Variants in CHCT1 observed in about 807,000 individuals in gnomAD.
CHCT1 encodes the protein CHD1 helical C-terminal domain containing protein 1.
the CHCT1 span, among the ~76,000 whole-genome samples, chr17:60,429,753 C>G: frequency 2.0e-3 from 304 of 152,044 alleles, 1 homozygote; most frequent in Non-Finnish European, 1.8e-3. Context: ...ACTTTCTCTT[C>G]TCTTTTTAGT....
At chr17:60,421,926 C>A in the CHCT1 span, 1 of 985,730 alleles carries the variant, frequency 1.0e-6, no homozygotes. Flanking sequence ...GGTACCTGCC[C>A]CAGGGAAGGC....
the CHCT1 span, chr17:60,426,670 G>A: frequency 6.3e-7 from 1 of 1,575,026 alleles, no homozygotes; most frequent in Non-Finnish European, 8.6e-7. Context: ...GCTGGAGGGA[G>A]GAAGCGCTGT....
At chr17:60,422,618 G>T in the CHCT1 span, 1 of 1,550,446 alleles carries the variant, frequency 6.4e-7, no homozygotes, top group Non-Finnish European at 8.7e-7. Flanking sequence ...GGGCAAGGGG[G>T]TGAAGGGGAC....
chr17:60,431,383 T>C, the CHCT1 span: 4 of 682,044 alleles, frequency 5.9e-6, no homozygotes, highest in Non-Finnish European at 5.0e-6. Flanking sequence ...TAATTAGGAA[T>C]AAATGAGGTG....
At chr17:60,428,505 G>A in the CHCT1 span, among the ~76,000 whole-genome samples, 10 of 127,714 alleles carry the variant, frequency 7.8e-5, no homozygotes, top group East Asian at 1.8e-3. Context: ...TTTTTTTTTC[G>A]AGACAGAGTT....
At chr17:60,421,479 C>A in the CHCT1 span, 2 of 985,370 alleles carry the variant, frequency 2.0e-6, no homozygotes, top group Non-Finnish European at 2.4e-6. Context: ...AGGCGAAGAA[C>A]AGGGCCACAC....
the CHCT1 span, among the ~76,000 whole-genome samples, chr17:60,428,485 AT>A: frequency 0.2 from 27,415 of 134,348 alleles, 5,831 homozygotes; most frequent in African/African-American, 0.56. Context: ...ATTGGCCTGA[AT>A]TTTTTTTTTT....
chr17:60,429,491 A>G, the CHCT1 span: 1 of 1,614,242 alleles, frequency 6.2e-7, no homozygotes, highest in East Asian at 2.2e-5. Flanking sequence ...GCTGTCCAAC[A>G]TGCAGACCCC....
the CHCT1 span, chr17:60,421,623 C>T: frequency 1.6e-5 from 16 of 974,350 alleles, no homozygotes; most frequent in Non-Finnish European, 1.8e-5. Flanking sequence ...CGCCGGGACC[C>T]CGCCGTGTGC....
chr17:60,429,649 G>C, the CHCT1 span: 1 of 1,317,924 alleles, frequency 7.6e-7, no homozygotes, highest in Non-Finnish European at 1.0e-6. Flanking sequence ...AAGCAGCCGG[G>C]AGCCTCTGCC....
chr17:60,422,456 G>T, the CHCT1 span: 9 of 1,517,966 alleles, frequency 5.9e-6, no homozygotes, highest in South Asian at 4.8e-5. Context: ...CTGTGTTGGC[G>T]GTTGCCGTGG....
At chr17:60,423,473 G>A in the CHCT1 span, among the ~76,000 whole-genome samples, 1 of 151,636 alleles carries the variant, frequency 6.6e-6, no homozygotes, top group Non-Finnish European at 1.5e-5. Flanking sequence ...GATTACAGGT[G>A]TGAGCCACTG....
At chr17:60,423,349 C>T in the CHCT1 span, among the ~76,000 whole-genome samples, 2 of 152,124 alleles carry the variant, frequency 1.3e-5, no homozygotes, top group African/African-American at 4.8e-5. Flanking sequence ...TGCATTACCA[C>T]ACCTGGCTAA....
chr17:60,429,672 A>G, the CHCT1 span: 1 of 966,896 alleles, frequency 1.0e-6, no homozygotes. Flanking sequence ...CAGCCTGACA[A>G]GCTCCTCTTC....
the CHCT1 span, chr17:60,426,469 A>G: frequency 1.2e-5 from 13 of 1,128,364 alleles, no homozygotes; most frequent in Non-Finnish European, 1.2e-5. Flanking sequence ...GGGGATGGAG[A>G]GAGCTCCTAG....
At chr17:60,429,188 A>C in the CHCT1 span, among the ~76,000 whole-genome samples, 1 of 152,224 alleles carries the variant, frequency 6.6e-6, no homozygotes, top group African/African-American at 2.4e-5. Flanking sequence ...GCTTGCCTCC[A>C]TGTCCCCACA....
chr17:60,428,505 G>C, the CHCT1 span, among the ~76,000 whole-genome samples: 1 of 127,688 alleles, frequency 7.8e-6, no homozygotes, highest in Admixed American at 8.1e-5. Flanking sequence ...TTTTTTTTTC[G>C]AGACAGAGTT....
chr17:60,430,122 CTTTTTTTT>C, the CHCT1 span, among the ~76,000 whole-genome samples: 107 of 64,316 alleles, frequency 1.7e-3, no homozygotes, highest in Non-Finnish European at 2.9e-3. Context: ...ACGCACCTGG[CTTTTTTTT>C]TTTTTTTTTT....
At chr17:60,427,480 C>A in the CHCT1 span, among the ~76,000 whole-genome samples, 1 of 151,934 alleles carries the variant, frequency 6.6e-6, no homozygotes, top group East Asian at 1.9e-4. Context: ...TGTCGTGGCG[C>A]GATCTTGGCT....
Sources: allele counts gnomAD v4.1 joint callset (sites outside exome capture counted in the v4.1 genomes callset), GRCh38; gene constraint gnomAD v4.1.1; transcripts MANE v1.5; gene names NCBI Gene and HGNC (gene_info 2026-07-23, HGNC 2026-07-21).